The following CCDC61 variants were observed in gnomAD, a reference collection of about 807,000 sequenced individuals.
The protein encoded by CCDC61 is centrosomal protein CCDC61.
In CCDC61, 55 loss-of-function variants were observed where a neutral mutation model predicts 63.0. That is an observed-to-expected ratio of 0.87 (90% CI 0.70 to 1.09). The LOEUF is 1.09. Ranked by LOEUF, CCDC61 falls within the 50% of genes least tolerant of loss-of-function variation. The pLI, the probability that CCDC61 is intolerant of heterozygous loss-of-function variation, is 0.00. For synonymous variants in CCDC61, 270 were observed against 317.0 expected (o/e 0.85, Z 1.58); for missense variants, 651 against 731.4 (o/e 0.89, Z 1.27).
chr19:45,999,588 TAG>T (rs1463139397), intron 1 of CCDC61, among the ~76,000 whole-genome samples: 3 of 152,032 alleles, frequency 2.0e-5, no homozygotes, highest in Non-Finnish European at 4.4e-5. Flanking sequence ...GGTAGTGATG[TAG>T]ATTTGTCTTT....
Position 46,015,230 on chromosome 19 carries a change from G to C in CCDC61, c.733G>C (p.Gly245Arg). The C allele has an allele frequency of 7.3e-7, 1 of 1,366,864 alleles. No homozygotes were observed. The highest frequency in any genetic ancestry group is 9.4e-7 in the Non-Finnish European group (1 of 1,066,390). 84.7% of individuals were successfully genotyped at this position (1,366,864 alleles called of 1,614,324 possible). A position where few individuals can be genotyped will look rare whatever the true frequency, so the allele number is the denominator to read the frequency against. Reference protein sequence around the residue: ...GLGHRVAGRRGQDCRRLAKEL... With the variant: ...GLGHRVAGRRRQDCRRLAKEL... ...CGGGCACAGGGTGGCCGGCCGTCGC[G>C]GCCAGGACTGCCGCCGTCTGGCCAA... is the stretch of plus-strand genomic sequence containing the variant. Residue 245 changes from glycine (G) to arginine (R), a missense_variant, in exon 6 of 14, where the codon GGC becomes CGC. Physicochemically the swap from Gly to Arg is moderately radical, Grantham distance 125. Coordinates refer to ENST00000595358, the MANE Select transcript of CCDC61 (RefSeq NM_001267723.2). The surrounding 1 kb of genome is among the most constrained non-coding windows in gnomAD (Gnocchi z 5.3).
Position 46,018,307 on chromosome 19 carries a change from C to T in CCDC61, c.1459C>T (p.Gln487Ter), listed in dbSNP as rs369307206. 16 of 1,570,452 alleles carry T rather than the reference C, an allele frequency of 1.0e-5. No individual in the cohort carries two copies. Among genetic ancestry groups the T allele is most frequent in the African/African-American group, 1.4e-5 (1 of 73,666 alleles). ...TCTCACAGAGTACAGCTCGGAGCAC[C>T]AGGCGGCTGACATGGCCGAAATAGA... ...VPIKEYSSEH[Q>*]AADMAEIDAR... The change falls in exon 14 of 14, where the codon CAG (glutamine) becomes TAG (stop). Residue 487 changes from glutamine (Q) to a stop codon, truncating the protein, a stop_gained. Coordinates refer to ENST00000595358, the MANE Select transcript of CCDC61 (RefSeq NM_001267723.2). LOFTEE classifies it high-confidence loss of function. The surrounding 1 kb of genome is among the most constrained non-coding windows in gnomAD (Gnocchi z 4.2).
intron 3 of CCDC61, among the ~76,000 whole-genome samples, chr19:46,006,101 G>C (rs1269492215): frequency 6.6e-6 from 1 of 152,070 alleles, no homozygotes; most frequent in Non-Finnish European, 1.5e-5. Context: ...ACTGAGACTG[G>C]GGAGATACAA....
rs1168885724 is a variant in CCDC61, at chr19:46,015,178, G to A, written c.681G>A (p.Glu227=). ...TGCGCGGGCTGGTGCGCGGGCTGGA[G>A]CTGGAGCTGCGGCAGGAGCGCGGCC... ...EALRGLVRGL[E]LELRQERGLG... The change falls in exon 6 of 14, where the codon GAG becomes GAA. Residue 227 remains glutamate, a synonymous_variant. Coordinates refer to ENST00000595358, the MANE Select transcript of CCDC61 (RefSeq NM_001267723.2). The surrounding 1 kb of genome is among the most constrained non-coding windows in gnomAD (Gnocchi z 5.3). The A allele has an allele frequency of 1.6e-6, 2 of 1,279,444 alleles. No homozygotes were observed. Among genetic ancestry groups the A allele is most frequent in the African/African-American group, 3.1e-5 (2 of 64,072 alleles). 79.3% of individuals were successfully genotyped at this position (1,279,444 alleles called of 1,614,324 possible).
At chr19:46,009,523 G>A (rs1045064311) in intron 5 of CCDC61, among the ~76,000 whole-genome samples, 1 of 152,198 alleles carries the variant, frequency 6.6e-6, no homozygotes, top group African/African-American at 2.4e-5. Context: ...GAGAAGTTAG[G>A]GAACTTGGCG....
chr19:46,005,161 C>T (rs763921385), intron 3 of CCDC61, among the ~76,000 whole-genome samples: 9 of 152,080 alleles, frequency 5.9e-5, no homozygotes, highest in Non-Finnish European at 1.3e-4. Context: ...CAGGCATGCG[C>T]CATCATGCCC....
chr19:46,007,072 G>A (rs1222672117), intron 4 of CCDC61, among the ~76,000 whole-genome samples: 1 of 143,596 alleles, frequency 7.0e-6, no homozygotes. Flanking sequence ...TTTTTGAGAT[G>A]GAGTCTCACT....
At chr19:46,004,984 C>G (rs903044658) in intron 3 of CCDC61, among the ~76,000 whole-genome samples, 2 of 150,926 alleles carry the variant, frequency 1.3e-5, no homozygotes, top group African/African-American at 4.9e-5. Context: ...GACTACAGGC[C>G]TGCCCACCAT....
chr19:46,015,965 G>A lies in CCDC61; in HGVS notation c.846-89G>A. ...CTAGGAGTTGATGGGGTAGGCCTGA[G>A]GGTTCGGAGAAGGTGCGGTCGGGGA... is the stretch of plus-strand genomic sequence containing the variant. On this transcript the variant is annotated intron_variant, in intron 7 of 13. Coordinates refer to ENST00000595358, the MANE Select transcript of CCDC61 (RefSeq NM_001267723.2). This position sits in a 1 kb window ranked among gnomAD's most constrained non-coding sequence, Gnocchi z 5.3. The A allele has an allele frequency of 8.8e-7, 1 of 1,132,990 alleles. No homozygotes were observed. The highest frequency in any genetic ancestry group is 1.1e-6 in the Non-Finnish European group (1 of 899,390). The allele number at this position is 1,132,990 out of a possible 1,614,324, so 70.2% of individuals were successfully genotyped here. A position where few individuals can be genotyped will look rare whatever the true frequency, so the allele number is the denominator to read the frequency against.
intron 12 of CCDC61, 125 bp downstream of exon 12, chr19:46,017,429 C>T (rs1017694001): frequency 1.1e-5 from 9 of 851,294 alleles, no homozygotes; most frequent in Admixed American, 5.7e-5. Context: ...TTTAAGAGTG[C>T]GTCTCGCTCT....
chr19:46,004,231 C>T (rs767874039), intron 3 of CCDC61, among the ~76,000 whole-genome samples: 11 of 152,156 alleles, frequency 7.2e-5, no homozygotes, highest in African/African-American at 2.4e-4. Flanking sequence ...TGAACCACTG[C>T]GCCCAGCCTG....
chr19:46,015,277 G>C lies in CCDC61; in HGVS notation c.762+18G>C, dbSNP rs1312262152. ...CCAAGGAGGTGAGCAGCGGGGGCCC[G>C]GGGCGGCCAGCGAGGCGCGGACCTC... is the stretch of plus-strand genomic sequence containing the variant. On this transcript the variant is annotated intron_variant, in intron 6 of 13. Coordinates refer to ENST00000595358, the MANE Select transcript of CCDC61 (RefSeq NM_001267723.2). This position sits in a 1 kb window ranked among gnomAD's most constrained non-coding sequence, Gnocchi z 5.3. The C allele has an allele frequency of 2.6e-6, 4 of 1,531,810 alleles. No individual in the cohort carries two copies. The highest frequency in any genetic ancestry group is 2.8e-5 in the African/African-American group (2 of 71,804). 94.9% of individuals were successfully genotyped at this position (1,531,810 alleles called of 1,614,324 possible).
At position 46,018,172 on chromosome 19, in the gene CCDC61, C is replaced by A; in HGVS notation, c.1441+22C>A. On this transcript the variant is annotated intron_variant, in intron 13 of 13. Coordinates refer to ENST00000595358, the MANE Select transcript of CCDC61 (RefSeq NM_001267723.2). The surrounding 1 kb of genome is among the most constrained non-coding windows in gnomAD (Gnocchi z 4.2). ...AAAGGTGAGCCTGGGACTCCACATC[C>A]CCTCTCCCAGCCCCAGGACCCGTTG... 1 of 1,591,172 alleles carries A rather than the reference C, an allele frequency of 6.3e-7. No homozygotes were observed. Among genetic ancestry groups the A allele is most frequent in the Non-Finnish European group, 8.6e-7 (1 of 1,168,924 alleles).
intron 1 of CCDC61, among the ~76,000 whole-genome samples, chr19:46,000,608 T>G (rs1042999147): frequency 1.3e-5 from 2 of 151,628 alleles, no homozygotes; most frequent in African/African-American, 4.9e-5. Flanking sequence ...GGGGGACAAG[T>G]GACGGGCAGC....
Position 46,003,521 on chromosome 19 carries a change from G to A in CCDC61, c.231+20G>A, listed in dbSNP as rs1968633935. On this transcript the variant is annotated intron_variant, in intron 3 of 13. Coordinates refer to ENST00000595358, the MANE Select transcript of CCDC61 (RefSeq NM_001267723.2). Reference sequence around the variant, plus strand: ...ACTCAGGTAGGGCCCGGGTTGGCGGGTTGGGGTGGGAGGGGGGTTCTGTCT... The same window carrying A: ...ACTCAGGTAGGGCCCGGGTTGGCGGATTGGGGTGGGAGGGGGGTTCTGTCT... 2 of 1,130,894 alleles carry A rather than the reference G, an allele frequency of 1.8e-6. No homozygotes were observed. Among genetic ancestry groups the A allele is most frequent in the Non-Finnish European group, 1.3e-6 (1 of 764,560 alleles). The allele number at this position is 1,130,894 out of a possible 1,614,324, so 70.1% of individuals were successfully genotyped here.
Position 46,016,665 on chromosome 19 carries a change from AGACC to A in CCDC61, c.1092-27_1092-24del, listed in dbSNP as rs1170177239. On this transcript the variant is annotated intron_variant, in intron 9 of 13. Coordinates refer to ENST00000595358, the MANE Select transcript of CCDC61 (RefSeq NM_001267723.2). This position sits in a 1 kb window ranked among gnomAD's most constrained non-coding sequence, Gnocchi z 7.2. ...CCTTGCCTGCAGGAGTTGGGCGTAC[AGACC>A]GGCGTCTCCTTTCTTTTTTCCCAGG... 3.1e-6 allele frequency: 5 copies of A among 1,610,544 alleles called. No individual in the cohort carries two copies. The highest frequency in any genetic ancestry group is 3.4e-6 in the Non-Finnish European group (4 of 1,178,728).
Position 46,015,332 on chromosome 19 carries a change from C to T in CCDC61, c.763-13C>T, listed in dbSNP as rs759143954. 35 of 1,597,078 alleles carry T rather than the reference C, an allele frequency of 2.2e-5. No homozygotes were observed. Among genetic ancestry groups the T allele is most frequent in the Non-Finnish European group, 2.6e-5 (31 of 1,177,470 alleles). ...TCAGCCTGGACCTCCGCGCCCCTCT[C>T]CCCTCCCGGCAGCTCGAGGAGGCGA... On this transcript the variant is annotated splice_polypyrimidine_tract_variant and intron_variant, in intron 6 of 13. Coordinates refer to ENST00000595358, the MANE Select transcript of CCDC61 (RefSeq NM_001267723.2). The surrounding 1 kb of genome is among the most constrained non-coding windows in gnomAD (Gnocchi z 5.3).
chr19:46,002,868 C>G, intron 1 of CCDC61, 140 bp from the exon 2 acceptor site: 2 of 762,868 alleles, frequency 2.6e-6, no homozygotes, highest in Non-Finnish European at 4.3e-6. Flanking sequence ...GATGAGGAAA[C>G]TAAGGCACAG....
intron 3 of CCDC61, among the ~76,000 whole-genome samples, chr19:46,004,083 C>A (rs995851384): frequency 6.6e-6 from 1 of 151,740 alleles, no homozygotes; most frequent in African/African-American, 2.4e-5. Context: ...GGATTACAGG[C>A]GCACGCCACC....
Sources: allele counts gnomAD v4.1 joint callset (sites outside exome capture counted in the v4.1 genomes callset), GRCh38; gene constraint gnomAD v4.1.1; non-coding constraint Gnocchi (gnomAD v3.1); transcripts MANE v1.5; gene names NCBI Gene and HGNC (gene_info 2026-07-23, HGNC 2026-07-21).